ROBO2: variants seen among roughly 807,000 people sequenced by gnomAD.
The protein encoded by ROBO2 is roundabout guidance receptor 2.
ROBO2 carries 53 observed loss-of-function variants against 160.8 expected under a neutral mutation model. That is an observed-to-expected ratio of 0.33 (90% CI 0.26 to 0.41). The LOEUF is 0.41. Ranked by LOEUF, ROBO2 falls within the 10% of genes least tolerant of loss-of-function variation. The pLI is 1.00. For synonymous variants in ROBO2, 664 were observed against 611.7 expected (o/e 1.09, Z -1.26); for missense variants, 1,577 against 1,722.4 (o/e 0.92, Z 1.49).
chr3:76,685,086 A>G (rs1330481538), intron 2 of ROBO2, among the ~76,000 whole-genome samples: 1 of 151,954 alleles, frequency 6.6e-6, no homozygotes, highest in Non-Finnish European at 1.5e-5. Context: ...GCACAGAACA[A>G]TCACAAGAGT....
At chr3:76,009,048 A>G (rs1308402022) in intron 2 of ROBO2, among the ~76,000 whole-genome samples, 2 of 152,142 alleles carry the variant, frequency 1.3e-5, no homozygotes, top group Non-Finnish European at 2.9e-5. Flanking sequence ...CCTTCTCTCC[A>G]GATATGAGGC....
intron 2 of ROBO2, among the ~76,000 whole-genome samples, chr3:76,779,677 CA>C (rs1239852106): frequency 6.6e-6 from 1 of 150,874 alleles, no homozygotes; most frequent in Admixed American, 6.6e-5. Context: ...TCACTGATGA[CA>C]AAAATTTCTC....
intron 2 of ROBO2, among the ~76,000 whole-genome samples, chr3:76,586,803 A>G (rs1328672568): frequency 6.6e-6 from 1 of 152,206 alleles, no homozygotes; most frequent in East Asian, 1.9e-4. Flanking sequence ...TGCACTAATT[A>G]AAAAAGGAGT....
At chr3:76,940,218 G>C (rs183538484) in intron 2 of ROBO2, among the ~76,000 whole-genome samples, 1 of 151,998 alleles carries the variant, frequency 6.6e-6, no homozygotes, top group Non-Finnish European at 1.5e-5. Flanking sequence ...TCTTGACCTC[G>C]TGATCCGCCT....
intron 2 of ROBO2, among the ~76,000 whole-genome samples, chr3:76,579,733 G>C (rs578094741): frequency 6.8e-6 from 1 of 147,004 alleles, no homozygotes; most frequent in Admixed American, 6.9e-5. Context: ...TGACAAAATA[G>C]GACATGAGTT....
chr3:76,591,686 C>T (rs1307487000), intron 2 of ROBO2, among the ~76,000 whole-genome samples: 3 of 152,112 alleles, frequency 2.0e-5, no homozygotes, highest in African/African-American at 7.2e-5. Context: ...AGAAGCAAAT[C>T]ATTGTGCATT....
chr3:77,371,706 T>G (rs755073558), intron 2 of ROBO2, among the ~76,000 whole-genome samples: 1 of 152,192 alleles, frequency 6.6e-6, no homozygotes, highest in Non-Finnish European at 1.5e-5. Context: ...CATAACACTT[T>G]ATTCTTGTGA....
At chr3:76,777,271 C>G (rs904672807) in intron 2 of ROBO2, among the ~76,000 whole-genome samples, 1 of 151,096 alleles carries the variant, frequency 6.6e-6, no homozygotes, top group Non-Finnish European at 1.5e-5. Flanking sequence ...GAGTTGAACA[C>G]TCTTTTCACA....
At chr3:77,233,212 G>GCA (rs569216938) in intron 2 of ROBO2, among the ~76,000 whole-genome samples, 122 of 152,214 alleles carry the variant, frequency 8.0e-4, no homozygotes, top group Non-Finnish European at 1.0e-3. Context: ...AAAATTCAAA[G>GCA]TGAATAATAC....
intron 2 of ROBO2, among the ~76,000 whole-genome samples, chr3:76,736,318 T>TAAAATAAAATAAAATAAAATAAAATAA: frequency 6.6e-6 from 1 of 150,714 alleles, no homozygotes; most frequent in Non-Finnish European, 1.5e-5. Context: ...TAAAATAAAA[T>TAAAATAAAATAAAATAAAATAAAATAA]AATAAAGCCT....
intron 2 of ROBO2, among the ~76,000 whole-genome samples, chr3:76,532,322 C>A (rs963216790): frequency 6.6e-6 from 1 of 152,168 alleles, no homozygotes; most frequent in Admixed American, 6.5e-5. Context: ...CTGATTTCCT[C>A]GGCAGCCTTA....
intron 2 of ROBO2, among the ~76,000 whole-genome samples, chr3:77,403,702 G>A (rs2153514634): frequency 6.6e-6 from 1 of 151,598 alleles, no homozygotes; most frequent in Non-Finnish European, 1.5e-5. Context: ...ATGAACATTA[G>A]AGTGCAGATA....
rs1031086069 is a variant in ROBO2, at chr3:76,854,481, T to A, written c.110-243533T>A. Among the ~76,000 whole-genome samples the A allele has an allele frequency of 5.9e-5, 9 of 152,146 alleles. 1 individual carries two copies. The highest frequency in any genetic ancestry group is 1.3e-4 in the Admixed American group (2 of 15,272). On this transcript the variant is annotated intron_variant, in intron 2 of 26. Coordinates refer to the ROBO2 transcript ENST00000487694. ...CACTTCCACCAACAATGAATGACTG[T>A]GATTGTGCAAACTTTTGAGAACTCA...
chr3:76,311,947 T>C (rs1240177014), intron 2 of ROBO2, among the ~76,000 whole-genome samples: 2 of 152,230 alleles, frequency 1.3e-5, no homozygotes, highest in African/African-American at 4.8e-5. Context: ...AGCCTTTCAG[T>C]ACTTTGAAGT....
chr3:77,577,555 A>G, exon 15 of ROBO2: 1 of 1,613,406 alleles, frequency 6.2e-7, no homozygotes, highest in East Asian at 2.2e-5. Context: ...CACAAGTATT[A>G]GTGTTTCCTG....
chr3:76,187,836 G>A (rs1023049634), intron 2 of ROBO2, among the ~76,000 whole-genome samples: 1 of 152,006 alleles, frequency 6.6e-6, no homozygotes, highest in Non-Finnish European at 1.5e-5. Context: ...ATTTCAGAAC[G>A]CTGAATTGGG....
chr3:77,014,461 G>T (rs1045072013), intron 2 of ROBO2, among the ~76,000 whole-genome samples: 5 of 152,146 alleles, frequency 3.3e-5, no homozygotes, highest in Admixed American at 3.3e-4. Context: ...CTGCGTAACT[G>T]TGTGTGACTC....
At chr3:76,557,050 T>C (rs1204590804) in intron 2 of ROBO2, among the ~76,000 whole-genome samples, 17 of 152,126 alleles carry the variant, frequency 1.1e-4, no homozygotes, top group Non-Finnish European at 1.9e-4. Context: ...CAGTTTTAGA[T>C]AGTTACCTTA....
At chr3:77,050,328 T>TA in intron 1 of ROBO2, among the ~76,000 whole-genome samples, 4 of 151,044 alleles carry the variant, frequency 2.6e-5, no homozygotes, top group African/African-American at 9.8e-5. Flanking sequence ...TATATAACCG[T>TA]TTGTGTATTC....
Sources: gnomAD v4.1 joint callset for allele counts (sites outside exome capture counted in the v4.1 genomes callset) on GRCh38, gnomAD v4.1.1 for gene constraint, MANE v1.5 for transcripts, NCBI Gene and HGNC (gene_info 2026-07-23, HGNC 2026-07-21) for gene names.